MRAP: variants seen among roughly 807,000 people sequenced by gnomAD.
MRAP encodes the protein melanocortin 2 receptor accessory protein, also known as melanocortin-2 receptor accessory protein.
MRAP carries 8 observed loss-of-function variants against 8.7 expected under a neutral mutation model. The observed-to-expected ratio is 0.92, with a 90% CI of 0.54 to 1.66. The LOEUF (loss-of-function observed/expected upper bound fraction) is 1.66, where lower values mean the gene tolerates loss of function less well. Ranked by LOEUF, MRAP falls within the 40% of genes most tolerant of loss-of-function variation. The probability of loss-of-function intolerance (pLI) is 0.00; values close to 1 mark genes in which losing one functional copy is unlikely to be tolerated. For missense variants in MRAP, 237 were observed against 217.1 expected (o/e 1.09, Z -0.58); for synonymous variants, 95 against 95.5 (o/e 1.00, Z 0.03).
chr21:32,306,409 A>G, intron 1 of MRAP: 1 of 578,354 alleles, frequency 1.7e-6, no homozygotes, highest in Non-Finnish European at 3.2e-6. Flanking sequence ...CAATCACCCT[A>G]AACAGACCCC....
intron 2 of MRAP, among the ~76,000 whole-genome samples, chr21:32,293,464 A>G (rs927536248): frequency 6.6e-6 from 1 of 152,214 alleles, no homozygotes; most frequent in South Asian, 2.1e-4. Context: ...GGGGTACTGG[A>G]AACAGCAGGG....
chr21:32,295,094 G>A (rs960124094), upstream of MRAP, among the ~76,000 whole-genome samples: 2 of 150,978 alleles, frequency 1.3e-5, no homozygotes, highest in African/African-American at 4.9e-5. Context: ...AAATTCATAC[G>A]GGTCTGCAGC....
At chr21:32,298,024 C>T (rs1379217183), upstream of MRAP, among the ~76,000 whole-genome samples, 1 of 152,144 alleles carries the variant, frequency 6.6e-6, no homozygotes, top group Non-Finnish European at 1.5e-5. Flanking sequence ...AGGGAAAGGC[C>T]ATGTAAGCCG....
chr21:32,314,442 C>T (rs2032645558), downstream of MRAP: 1 of 1,011,392 alleles, frequency 9.9e-7, no homozygotes, highest in Admixed American at 1.9e-5. Context: ...GCCTTGGCCT[C>T]CCAAAGTGCT....
intron 2 of MRAP, among the ~76,000 whole-genome samples, chr21:32,310,017 C>A (rs1048582124): frequency 2.0e-5 from 3 of 152,098 alleles, no homozygotes; most frequent in Non-Finnish European, 4.4e-5. Context: ...GAGGGATAAA[C>A]GAGTGATGTC....
intron 1 of MRAP, among the ~76,000 whole-genome samples, chr21:32,301,352 T>C (rs2032295186): frequency 2.0e-5 from 3 of 152,168 alleles, no homozygotes; most frequent in Admixed American, 6.5e-5. Flanking sequence ...CTCATGATAG[T>C]GAGTGAGTTA....
At chr21:32,313,364 A>T (rs1321051243), downstream of MRAP, 2 of 152,274 alleles carry the variant, frequency 1.3e-5, no homozygotes, top group African/African-American at 4.8e-5. Context: ...GTGGATAAAG[A>T]TTAAGGGGAA....
chr21:32,305,030 T>C (rs1374176220), intron 1 of MRAP, among the ~76,000 whole-genome samples: 1 of 139,540 alleles, frequency 7.2e-6, no homozygotes, highest in Non-Finnish European at 1.5e-5. Context: ...TGGAGCACAC[T>C]GGCGTGATCG....
intron 1 of MRAP, among the ~76,000 whole-genome samples, chr21:32,305,987 G>A (rs2032406021): frequency 6.6e-6 from 1 of 152,148 alleles, no homozygotes; most frequent in South Asian, 2.1e-4. Flanking sequence ...CACAAATACA[G>A]CCATCATGCT....
chr21:32,295,231 G>A (rs1377441776), upstream of MRAP, among the ~76,000 whole-genome samples: 1 of 152,160 alleles, frequency 6.6e-6, no homozygotes, highest in Non-Finnish European at 1.5e-5. Flanking sequence ...GGAACGAAAG[G>A]AAGTAAAGTA....
upstream of MRAP, among the ~76,000 whole-genome samples, chr21:32,294,861 G>A (rs1052829754): frequency 2.6e-5 from 4 of 151,604 alleles, no homozygotes; most frequent in South Asian, 4.2e-4. Context: ...GTCTTATTTC[G>A]TCTCTCTCAG....
At chr21:32,299,649 T>C (rs1364933028) in intron 1 of MRAP, among the ~76,000 whole-genome samples, 1 of 152,202 alleles carries the variant, frequency 6.6e-6, no homozygotes, top group Non-Finnish European at 1.5e-5. Flanking sequence ...CTTTTAAAGA[T>C]AGATTTCTTG....
intron 1 of MRAP, among the ~76,000 whole-genome samples, chr21:32,292,192 C>T (rs2032061593): frequency 6.6e-6 from 1 of 151,468 alleles, no homozygotes; most frequent in South Asian, 2.1e-4. Flanking sequence ...GAAATATTTG[C>T]AGATGAAATG....
chr21:32,296,973 T>G (rs1322004285), upstream of MRAP, among the ~76,000 whole-genome samples: 1 of 152,176 alleles, frequency 6.6e-6, no homozygotes, highest in Non-Finnish European at 1.5e-5. Flanking sequence ...TGCAATGATG[T>G]TATGTTGGCT....
At chr21:32,303,642 T>G (rs1467924776) in intron 1 of MRAP, among the ~76,000 whole-genome samples, 2 of 152,152 alleles carry the variant, frequency 1.3e-5, no homozygotes, top group Non-Finnish European at 2.9e-5. Flanking sequence ...GGAAAGGAGA[T>G]AAGTTTCTAT....
At chr21:32,294,462 G>A (rs1014245060), upstream of MRAP, among the ~76,000 whole-genome samples, 1 of 152,090 alleles carries the variant, frequency 6.6e-6, no homozygotes, top group Admixed American at 6.6e-5. Context: ...TAATGACTTG[G>A]AGCACTTTTT....
At chr21:32,292,818 T>C (rs925395057) in intron 1 of MRAP, among the ~76,000 whole-genome samples, 3 of 151,956 alleles carry the variant, frequency 2.0e-5, no homozygotes, top group Non-Finnish European at 4.4e-5. Context: ...GTAACTTTTA[T>C]AGCAAAAATC....
At chr21:32,314,624 C>T, downstream of MRAP, 1 of 1,614,228 alleles carries the variant, frequency 6.2e-7, no homozygotes, top group South Asian at 1.1e-5. Context: ...TGATGAGCTC[C>T]AAGCCCCTAG....
In MRAP at chr21:32,304,965, G is replaced by GTTTTTTT. The variant is rs537525538; in HGVS notation, c.107-1656_107-1650dup. On this transcript the variant is annotated intron_variant, in intron 1 of 2. Transcript: ENST00000303645. Reference sequence around the variant, plus strand: ...TTGAGGGGGATTTGTTTTTTTTGTTGTTTTTTTTTTTTTTTTTTTTTTTTT... The same window carrying GTTTTTTT: ...TTGAGGGGGATTTGTTTTTTTTGTTGTTTTTTTTTTTTTTTTTTTTTTTTTTTTTTTT... Among the ~76,000 whole-genome samples, 40 of 78,122 alleles carry GTTTTTTT rather than the reference G, an allele frequency of 5.1e-4. 1 individual carries two copies. The highest frequency in any genetic ancestry group is 1.8e-3 in the African/African-American group (37 of 20,990). 51.3% of individuals were successfully genotyped at this position (78,122 alleles called of 152,430 possible).
Sources: allele counts gnomAD v4.1 joint callset (sites outside exome capture counted in the v4.1 genomes callset), GRCh38; gene constraint gnomAD v4.1.1; transcripts MANE v1.5; gene names NCBI Gene and HGNC (gene_info 2026-07-23, HGNC 2026-07-21).